CR1: variants seen among roughly 807,000 people sequenced by gnomAD.
CR1 encodes the protein complement receptor type 1.
A neutral mutation model predicts 187.3 loss-of-function variants in CR1; 116 were observed. That is an observed-to-expected ratio of 0.62 (90% confidence interval 0.53 to 0.72). The LOEUF (loss-of-function observed/expected upper bound fraction) is 0.72. Among genes scored for constraint, CR1 ranks in the 30% least tolerant of loss-of-function variants. The pLI, the probability that CR1 is intolerant of heterozygous loss-of-function variation, is 0.00. For missense variants in CR1, 1,731 were observed against 2,110.7 expected, an observed-to-expected ratio of 0.82 and a Z score of 3.52; for synonymous variants, 576 against 747.1, an observed-to-expected ratio of 0.77 and a Z score of 3.73.
In CR1 at chr1:207,617,618, GAGAGAGAGAGAGAGA is replaced by G. The variant is rs1272802622; in HGVS notation, c.6890-452_6890-438del. 6.4e-4 allele frequency among the ~76,000 whole-genome samples: 9 copies of G among 14,158 alleles called. 1 individual carries two copies. The highest frequency in any genetic ancestry group is 3.1e-3 in the African/African-American group (8 of 2,612). The allele number at this position is 14,158 out of a possible 152,430, so 9.3% of individuals were successfully genotyped here. ...ATATATATATATATATATATAGAGA[GAGAGAGAGAGAGAGA>G]GAGAGAGAGAGAGAGAGAGAGAGAG... On this transcript the variant is annotated intron_variant, in intron 41 of 46. Coordinates refer to ENST00000367049, the MANE Select transcript of CR1 (RefSeq NM_000651.6).
chr1:207,605,923 G>T (rs569881554), intron 35 of CR1: 1 of 152,290 alleles, frequency 6.6e-6, no homozygotes, highest in African/African-American at 2.4e-5. Context: ...TAGTCACACA[G>T]TTCCCTTTAG....
intron 41 of CR1, 127 bp downstream of exon 41, chr1:207,616,929 A>G: frequency 7.5e-7 from 1 of 1,327,938 alleles, no homozygotes; most frequent in Non-Finnish European, 1.0e-6. Flanking sequence ...AGACAGAACT[A>G]CCTCCCAAGT....
chr1:207,634,088 G>A (rs1484032705), intron 46 of CR1, among the ~76,000 whole-genome samples: 5 of 152,110 alleles, frequency 3.3e-5, no homozygotes, highest in Non-Finnish European at 5.9e-5. Context: ...GTAAAGGCGG[G>A]GCAGGGCATT....
chr1:207,628,017 A>C (rs1662533216), intron 45 of CR1, among the ~76,000 whole-genome samples: 1 of 152,178 alleles, frequency 6.6e-6, no homozygotes, highest in African/African-American at 2.4e-5. Context: ...GAGATCCTAT[A>C]GTAATTAGAT....
chr1:207,574,838 A>C (rs987982499), intron 27 of CR1, among the ~76,000 whole-genome samples: 2 of 152,246 alleles, frequency 1.3e-5, no homozygotes, highest in African/African-American at 4.8e-5. Context: ...AAAAATAATA[A>C]GTTTAATTTC....
In CR1 at chr1:207,607,256, G is replaced by A. The variant is rs568081345; in HGVS notation, c.5816G>A (p.Arg1939Gln). 8 of 1,612,686 alleles carry A rather than the reference G, an allele frequency of 5.0e-6. No homozygotes were observed. Among genetic ancestry groups the A allele is most frequent in the Middle Eastern group, 1.7e-4 (1 of 6,058 alleles). Residue 1939 changes from arginine to glutamine, a missense_variant, in exon 36 of 47, where the codon CGA becomes CAA. Around this residue, in one of 5 missense-constraint regions of CR1, gnomAD observed 1,312 missense variants for 1,379.6 expected, o/e 0.95. Coordinates refer to ENST00000367049, the MANE Select transcript of CR1 (RefSeq NM_000651.6). The part of the protein sequence containing the change: ...TVNYSCNEGF[R>Q]LIGSPSTTCL... The stretch of plus-strand genomic sequence containing the variant: ...TTTTCTATCCTTTGCTTTAGGTTTC[G>A]ACTCATTGGTTCCCCATCTACTACT...
In CR1 at chr1:207,640,282, C is replaced by G. The variant is rs1403704844; in HGVS notation, c.*873C>G. On this transcript the variant is annotated 3_prime_UTR_variant, in exon 47 of 47. Coordinates refer to ENST00000367049, the MANE Select transcript of CR1 (RefSeq NM_000651.6). ...TACCAGTAGATGGGACTACAGGCAC[C>G]TGCCAACACGCCCGGCTAATTTTTT... 2 of 152,126 alleles carry G rather than the reference C, an allele frequency of 1.3e-5. No individual in the cohort carries two copies. Among genetic ancestry groups the G allele is most frequent in the African/African-American group, 4.8e-5 (2 of 41,398 alleles). 9.4% of individuals were successfully genotyped at this position (152,126 alleles called of 1,614,324 possible). A position where few individuals can be genotyped will look rare whatever the true frequency, so the allele number is the denominator to read the frequency against.
At chr1:207,602,083 C>T (rs2102374108) in intron 35 of CR1, among the ~76,000 whole-genome samples, 1 of 152,154 alleles carries the variant, frequency 6.6e-6, no homozygotes, top group African/African-American at 2.4e-5. Flanking sequence ...AGTCACAAAG[C>T]ACAGCCCACA....
At chr1:207,615,292 T>C (rs1249968228) in intron 40 of CR1, among the ~76,000 whole-genome samples, 1 of 152,144 alleles carries the variant, frequency 6.6e-6, no homozygotes, top group African/African-American at 2.4e-5. Context: ...TATTTTCTTG[T>C]TGGGAAGCAG....
intron 35 of CR1, among the ~76,000 whole-genome samples, chr1:207,590,367 A>G (rs547371049): frequency 6.6e-6 from 1 of 152,362 alleles, no homozygotes; most frequent in East Asian, 1.9e-4. Flanking sequence ...ACTAAGCTTC[A>G]TAAGTGAAGG....
chr1:207,611,452 T>C (rs994307486), intron 37 of CR1, among the ~76,000 whole-genome samples: 2 of 152,134 alleles, frequency 1.3e-5, no homozygotes, highest in Admixed American at 1.3e-4. Context: ...CATGTTTCAG[T>C]AGAAAAAACA....
At chr1:207,636,956 C>G (rs1374066276) in intron 46 of CR1, among the ~76,000 whole-genome samples, 2 of 152,218 alleles carry the variant, frequency 1.3e-5, no homozygotes, top group African/African-American at 2.4e-5. Flanking sequence ...TTTCCTACAA[C>G]TAGCATATAA....
chr1:207,575,720 A>T lies in CR1; in HGVS notation c.4537+40A>T, dbSNP rs375707251. The T allele has an allele frequency of 7.1e-5, 114 of 1,611,402 alleles. No homozygotes were observed. The African/African-American group carries it at 1.5e-3, about 21-fold the overall frequency. ...CTTTCCCCATTCACCCCACCATTGA[A>T]TCCTAGAGTTGTCCTCCTAGAATTA... is the stretch of plus-strand genomic sequence containing the variant. On this transcript the variant is annotated intron_variant, in intron 28 of 46. Coordinates refer to ENST00000367049, the MANE Select transcript of CR1 (RefSeq NM_000651.6).
At chr1:207,519,485 A>G (rs1187234023) in intron 4 of CR1, among the ~76,000 whole-genome samples, 3 of 152,038 alleles carry the variant, frequency 2.0e-5, no homozygotes, top group Non-Finnish European at 4.4e-5. Context: ...TTAAATGACT[A>G]CTCTAGAGAT....
intron 31 of CR1, among the ~76,000 whole-genome samples, chr1:207,581,161 T>C (rs1315369520): frequency 6.6e-6 from 1 of 151,858 alleles, no homozygotes; most frequent in Non-Finnish European, 1.5e-5. Flanking sequence ...TACGTATACA[T>C]GTACATGTGT....
chr1:207,613,212 C>A (rs1017579937), intron 39 of CR1, among the ~76,000 whole-genome samples: 1 of 152,116 alleles, frequency 6.6e-6, no homozygotes, highest in Admixed American at 6.5e-5. Context: ...AGCTTCTCAG[C>A]GGAGACGAGA....
chr1:207,617,970 T>C, intron 41 of CR1, 101 bp from the exon 42 acceptor site: 1 of 1,329,402 alleles, frequency 7.5e-7, no homozygotes, highest in Non-Finnish European at 1.0e-6. Context: ...GAGGTCTTCA[T>C]GTACCTCTAA....
chr1:207,581,773 G>C, intron 31 of CR1, 145 bp from the exon 32 acceptor site: 1 of 496,762 alleles, frequency 2.0e-6, no homozygotes. Context: ...GAGAAACTAA[G>C]TGAGTTGAGT....
At chr1:207,578,520 G>A (rs541297389) in intron 29 of CR1, among the ~76,000 whole-genome samples, 1 of 152,308 alleles carries the variant, frequency 6.6e-6, no homozygotes, top group African/African-American at 2.4e-5. Context: ...TCTATGATCA[G>A]CTATGTGCTA....
Sources: allele counts gnomAD v4.1 joint callset (sites outside exome capture counted in the v4.1 genomes callset), GRCh38; gene constraint gnomAD v4.1.1; regional missense constraint gnomAD v4.1.1; transcripts MANE v1.5; gene names NCBI Gene and HGNC (gene_info 2026-07-23, HGNC 2026-07-21).